DESI1: variants seen among roughly 807,000 people sequenced by gnomAD.
DESI1 encodes the protein desumoylating isopeptidase 1.
In DESI1, 17 loss-of-function variants were observed where a neutral mutation model predicts 22.4. The observed-to-expected ratio is 0.76, with a 90% confidence interval of 0.52 to 1.14. The LOEUF (loss-of-function observed/expected upper bound fraction) is 1.14, where lower values mean the gene tolerates loss of function less well. DESI1 is among the 50% of genes most tolerant of loss of function. The pLI, the probability that DESI1 is intolerant of heterozygous loss-of-function variation, is 0.00. For missense variants in DESI1, 177 were observed against 208.9 expected (o/e 0.85, Z 0.94); for synonymous variants, 92 against 84.2 (o/e 1.09, Z -0.51).
At chr22:41,603,110 G>C (rs1402315851) in intron 5 of DESI1, 149 bp downstream of exon 5, 2 of 1,201,924 alleles carry the variant, frequency 1.7e-6, no homozygotes, top group Non-Finnish European at 2.4e-6. Context: ...AGTGGGTGGA[G>C]AGAATGGCAG....
At chr22:41,615,196 G>A (rs142876945) in intron 1 of DESI1, among the ~76,000 whole-genome samples, 10,165 of 148,858 alleles carry the variant, frequency 0.068, 848 homozygotes, top group African/African-American at 0.19. Flanking sequence ...TCGGGAGGCC[G>A]AGGCGGGAGG....
chr22:41,607,075 C>T (rs577784860), intron 3 of DESI1, among the ~76,000 whole-genome samples, 187 bp downstream of exon 3: 1 of 152,286 alleles, frequency 6.6e-6, no homozygotes, highest in Admixed American at 6.5e-5. Context: ...CAGAAGGACC[C>T]ACACGTGCCA....
chr22:41,602,272 C>T (rs953169220), intron 5 of DESI1: 1 of 985,306 alleles, frequency 1.0e-6, no homozygotes, highest in Non-Finnish European at 1.2e-6. Flanking sequence ...ATTCCAGGAA[C>T]TCCACCCATA....
chr22:41,620,875 G>C lies in DESI1; in HGVS notation c.-36C>G, dbSNP rs1210454065. 1.1e-5 allele frequency: 18 copies of C among 1,586,112 alleles called. No homozygotes were observed. The highest frequency in any genetic ancestry group is 1.5e-5 in the Non-Finnish European group (17 of 1,167,032). ...GGCGACGGCGGCCACGACGGCCCTC[G>C]GGCACCCGGCAGCGGCTTGGACCTT... On this transcript the variant is annotated 5_prime_UTR_variant, in exon 1 of 6. Transcript: ENST00000263256.
intron 3 of DESI1, among the ~76,000 whole-genome samples, chr22:41,606,887 C>T (rs894429079): frequency 4.7e-5 from 7 of 150,144 alleles, no homozygotes; most frequent in African/African-American, 1.5e-4. Flanking sequence ...TAAGTTTGGG[C>T]AAGTCTTGAT....
At chr22:41,617,731 A>G (rs1202884945) in intron 1 of DESI1, among the ~76,000 whole-genome samples, 1 of 152,280 alleles carries the variant, frequency 6.6e-6, no homozygotes, top group Non-Finnish European at 1.5e-5. Context: ...TGATTTCCTC[A>G]GATCAGAATC....
At chr22:41,607,385 A>G in intron 2 of DESI1, 54 bp from the exon 3 acceptor site, 1 of 1,539,438 alleles carries the variant, frequency 6.5e-7, no homozygotes. Flanking sequence ...TTTGAGAAAA[A>G]GCAAACACCA....
chr22:41,603,494 T>C, intron 4 of DESI1, 113 bp from the exon 5 acceptor site: 1 of 1,501,890 alleles, frequency 6.7e-7, no homozygotes, highest in Non-Finnish European at 9.1e-7. Flanking sequence ...GGATTGCGAT[T>C]TCCCCCGTCT....
chr22:41,612,680 TG>T (rs1378753138), intron 1 of DESI1, among the ~76,000 whole-genome samples: 1 of 151,222 alleles, frequency 6.6e-6, no homozygotes, highest in African/African-American at 2.4e-5. Flanking sequence ...ACTGCAGCCT[TG>T]ACCTCCCAGG....
intron 3 of DESI1, 23 bp downstream of exon 3, chr22:41,607,239 A>G (rs199622977): frequency 1.9e-6 from 3 of 1,584,738 alleles, no homozygotes; most frequent in East Asian, 4.6e-5. Context: ...ACTGCAGGAC[A>G]GAGTGTAGGG....
chr22:41,619,235 G>A (rs2067568019), intron 1 of DESI1, among the ~76,000 whole-genome samples: 1 of 152,180 alleles, frequency 6.6e-6, no homozygotes, highest in African/African-American at 2.4e-5. Flanking sequence ...ATAAGAATTA[G>A]CTGATAAGCT....
rs541410615 is a variant in DESI1 at position 41,603,170 on chromosome 22, G to A, written c.413+89C>T. 267 of 1,590,666 alleles carry A rather than the reference G, an allele frequency of 1.7e-4. 1 individual carries two copies. The African/African-American group carries it at 3.1e-3, about 18-fold the overall frequency. On this transcript the variant is annotated intron_variant, in intron 5 of 5. Transcript: ENST00000263256. ...AGGGCAGGCCCACCTGGTTGGGAGG[G>A]CAGATGGGGGCCAGAGGAAGGGCAC...
rs373028232 is a variant in DESI1 at position 41,618,570 on chromosome 22, G to A, written c.88+2182C>T. 1.2e-3 allele frequency among the ~76,000 whole-genome samples: 188 copies of A among 152,210 alleles called. 2 individuals are homozygous for A. The highest frequency in any genetic ancestry group is 4.3e-3 in the African/African-American group (179 of 41,548). ...ACACGTTGACTAGCATAGAGCAGAC[G>A]CTCAATAAACATCTGCTGAATGAAT... On this transcript the variant is annotated intron_variant, in intron 1 of 5. Transcript: ENST00000263256.
At chr22:41,618,558 C>G (rs996331463) in intron 1 of DESI1, among the ~76,000 whole-genome samples, 2 of 152,132 alleles carry the variant, frequency 1.3e-5, no homozygotes, top group African/African-American at 2.4e-5. Flanking sequence ...CGTTGACTAG[C>G]ATAGAGCAGA....
chr22:41,599,052 A>G lies in DESI1; in HGVS notation c.*2045T>C, dbSNP rs1398493145. 6.6e-6 allele frequency: 1 copy of G among 152,230 alleles called. No individual in the cohort carries two copies. Among genetic ancestry groups the G allele is most frequent in the Non-Finnish European group, 1.5e-5 (1 of 68,054 alleles). The allele number at this position is 152,230 out of a possible 1,614,324, so 9.4% of individuals were successfully genotyped here. A position where few individuals can be genotyped will look rare whatever the true frequency, so the allele number is the denominator to read the frequency against. On this transcript the variant is annotated 3_prime_UTR_variant, in exon 6 of 6. Coordinates refer to ENST00000263256, the MANE Select transcript of DESI1 (RefSeq NM_015704.3). ...CGCAGGCAAACACTAAGGCAGAATG[A>G]CAGCTCCTCTAGCTGAGACTCTGAT...
intron 1 of DESI1, among the ~76,000 whole-genome samples, chr22:41,616,391 C>G (rs753665637): frequency 5.5e-4 from 83 of 152,254 alleles, no homozygotes; most frequent in African/African-American, 1.9e-3. Flanking sequence ...TTTATATATT[C>G]TATGTCTCCA....
chr22:41,606,773 C>CAAAAA (rs67262006), intron 3 of DESI1, among the ~76,000 whole-genome samples: 3 of 62,728 alleles, frequency 4.8e-5, no homozygotes, highest in Admixed American at 2.9e-4. Flanking sequence ...GACTCCATCT[C>CAAAAA]AAAAAAAAAA....
At chr22:41,605,463 ATCAT>A (rs1427279610) in intron 3 of DESI1, among the ~76,000 whole-genome samples, 3 of 152,200 alleles carry the variant, frequency 2.0e-5, no homozygotes, top group Non-Finnish European at 4.4e-5. Context: ...CCCTGAAAAG[ATCAT>A]TCATTCATAG....
Position 41,602,106 on chromosome 22 carries a change from G to A in DESI1, c.414-916C>T, listed in dbSNP as rs1045256180. On this transcript the variant is annotated intron_variant, in intron 5 of 5. Coordinates refer to ENST00000263256, the MANE Select transcript of DESI1 (RefSeq NM_015704.3). Reference sequence around the variant, plus strand: ...GAGTTTGGAGATTTTCCATGATTACGACAACCATAAATAAGGTTGCCCAGA... The same window carrying A: ...GAGTTTGGAGATTTTCCATGATTACAACAACCATAAATAAGGTTGCCCAGA... The A allele has an allele frequency of 4.8e-5, 31 of 647,946 alleles. No individual in the cohort carries two copies. In the African/African-American group the frequency reaches 5.4e-4, roughly 11 times the overall value. 40.1% of individuals were successfully genotyped at this position (647,946 alleles called of 1,614,324 possible). A position where few individuals can be genotyped will look rare whatever the true frequency, so the allele number is the denominator to read the frequency against.
Sources: allele counts gnomAD v4.1 joint callset (sites outside exome capture counted in the v4.1 genomes callset), GRCh38; gene constraint gnomAD v4.1.1; transcripts MANE v1.5; gene names NCBI Gene and HGNC (gene_info 2026-07-23, HGNC 2026-07-21).